The following KLHL24 variants were observed in gnomAD, a reference collection of about 807,000 sequenced individuals.
KLHL24 encodes the protein kelch like family member 24.
In KLHL24, 29 loss-of-function variants were observed where a neutral mutation model predicts 53.4. The observed-to-expected ratio is 0.54, with a 90% confidence interval of 0.40 to 0.74. The LOEUF (loss-of-function observed/expected upper bound fraction) is 0.74. Among genes scored for constraint, KLHL24 ranks in the 30% least tolerant of loss-of-function variants. KLHL24 has a pLI of 0.00. For missense variants in KLHL24, 504 were observed against 744.0 expected, an observed-to-expected ratio of 0.68 and a Z score of 3.75; for synonymous variants, 222 against 253.7, an observed-to-expected ratio of 0.88 and a Z score of 1.19.
At chr3:183,661,933 G>T (rs1719859309) in intron 3 of KLHL24, among the ~76,000 whole-genome samples, 1 of 152,076 alleles carries the variant, frequency 6.6e-6, no homozygotes, top group African/African-American at 2.4e-5. Context: ...ATTTGTCTTA[G>T]ATTTTAAGTG....
chr3:183,650,754 C>A lies in KLHL24; in HGVS notation c.398C>A (p.Thr133Lys), dbSNP rs1718006815. Residue 133 changes from threonine to lysine, a missense_variant, in exon 3 of 8, where the codon ACA becomes AAA. By Grantham distance (78) the Thr-to-Lys change is moderately conservative (BLOSUM62 -1). Coordinates refer to ENST00000242810, the MANE Select transcript of KLHL24 (RefSeq NM_017644.3). The surrounding 1 kb of genome is among the most constrained non-coding windows in gnomAD (Gnocchi z 4.5). ...TATACTGGAAAGGTGAAGATCACTA[C>A]AGAGAATGTACAGTATCTCTTTGAG... Reference protein sequence around the residue: ...YVYTGKVKITTENVQYLFETS... With the variant: ...YVYTGKVKITKENVQYLFETS... 1 of 1,613,708 alleles carries A rather than the reference C, an allele frequency of 6.2e-7. No individual in the cohort carries two copies. The highest frequency in any genetic ancestry group is 8.5e-7 in the Non-Finnish European group (1 of 1,179,840).
intron 7 of KLHL24, among the ~76,000 whole-genome samples, chr3:183,677,903 T>C (rs1258028641): frequency 6.6e-6 from 1 of 152,158 alleles, no homozygotes; most frequent in Non-Finnish European, 1.5e-5. Flanking sequence ...GCAATTCTCC[T>C]GCCTCAGCCT....
Position 183,683,533 on chromosome 3 carries a change from A to G in KLHL24, c.*4247A>G, listed in dbSNP as rs1214110390. On this transcript the variant is annotated 3_prime_UTR_variant, in exon 8 of 8. Transcript: ENST00000242810. ...CTAGCTATCATTATTGTCACATCTA[A>G]TGCTAGGCACCAGAAACCATTTGAG... The G allele has an allele frequency of 1.3e-5, 2 of 152,624 alleles. No individual in the cohort carries two copies. Among genetic ancestry groups the G allele is most frequent in the Admixed American group, 1.3e-4 (2 of 15,280 alleles). The allele number at this position is 152,624 out of a possible 1,614,324, so 9.5% of individuals were successfully genotyped here. A position where few individuals can be genotyped will look rare whatever the true frequency, so the allele number is the denominator to read the frequency against.
chr3:183,645,644 G>T (rs1560151836), intron 2 of KLHL24, among the ~76,000 whole-genome samples: 3 of 151,932 alleles, frequency 2.0e-5, no homozygotes, highest in South Asian at 4.1e-4. Context: ...TTTAAACTCA[G>T]ATATATTTTT....
At chr3:183,662,142 G>A (rs544075162) in intron 3 of KLHL24, among the ~76,000 whole-genome samples, 3 of 152,036 alleles carry the variant, frequency 2.0e-5, no homozygotes, top group Non-Finnish European at 4.4e-5. Context: ...TAATTTCCTG[G>A]ATTCCTAAAA....
chr3:183,674,184 ATACTC>A (rs1560185522), intron 7 of KLHL24, among the ~76,000 whole-genome samples: 1 of 152,142 alleles, frequency 6.6e-6, no homozygotes, highest in Non-Finnish European at 1.5e-5. Context: ...ACAAACAAAA[ATACTC>A]TAATTAGTCT....
chr3:183,684,177 A>AC lies in KLHL24; in HGVS notation c.*4891_*4892insC, dbSNP rs1325517579. ...AAAAGCACTTACTCTCCCCTTCCCT[A>AC]TCACCCCTCCCCCAAGGTTTCTTTA... On this transcript the variant is annotated 3_prime_UTR_variant, in exon 8 of 8. Transcript: ENST00000242810. 6.6e-6 allele frequency: 1 copy of AC among 151,964 alleles called. No individual in the cohort carries two copies. The highest frequency in any genetic ancestry group is 2.4e-5 in the African/African-American group (1 of 41,342). The allele number at this position is 151,964 out of a possible 1,614,324, so 9.4% of individuals were successfully genotyped here. A position where few individuals can be genotyped will look rare whatever the true frequency, so the allele number is the denominator to read the frequency against.
At position 183,643,504 on chromosome 3, in the gene KLHL24, T is replaced by C. The variant is rs1716779997; in HGVS notation, c.-100T>C. 1 of 152,190 alleles carries C rather than the reference T, an allele frequency of 6.6e-6. No individual in the cohort carries two copies. Among genetic ancestry groups the C allele is most frequent in the Non-Finnish European group, 1.5e-5 (1 of 68,038 alleles). The allele number at this position is 152,190 out of a possible 1,614,324, so 9.4% of individuals were successfully genotyped here. A position where few individuals can be genotyped will look rare whatever the true frequency, so the allele number is the denominator to read the frequency against. ...GGTGTGGAAATTAAAAGAACACACA[T>C]ATTTTGACTGGGGCTTTGATCAACC... is the stretch of plus-strand genomic sequence containing the variant. On this transcript the variant is annotated 5_prime_UTR_variant, in exon 2 of 8. Coordinates refer to ENST00000242810, the MANE Select transcript of KLHL24 (RefSeq NM_017644.3).
chr3:183,648,044 A>G (rs916000876), intron 2 of KLHL24, among the ~76,000 whole-genome samples: 2 of 152,132 alleles, frequency 1.3e-5, no homozygotes, highest in Admixed American at 1.3e-4. Flanking sequence ...CTCCAATAGC[A>G]ATATCTTACA....
chr3:183,678,978 TG>T (rs764922068), intron 7 of KLHL24, 107 bp from the exon 8 acceptor site: 131 of 830,624 alleles, frequency 1.6e-4, no homozygotes, highest in Admixed American at 4.4e-4. Flanking sequence ...GCTTTTATCA[TG>T]TCTCCCTTTT....
chr3:183,649,991 A>G (rs1378288172), intron 2 of KLHL24, among the ~76,000 whole-genome samples: 2 of 152,216 alleles, frequency 1.3e-5, no homozygotes, highest in East Asian at 3.8e-4. Context: ...TCTACAGTCA[A>G]TAGTATGAAA....
chr3:183,673,196 A>T lies in KLHL24; in HGVS notation c.1602+712A>T, dbSNP rs149776931. On this transcript the variant is annotated intron_variant, in intron 7 of 7. Coordinates refer to ENST00000242810, the MANE Select transcript of KLHL24 (RefSeq NM_017644.3). ...ACTCCAGCCTGGGCAACAGAGTGAG[A>T]CTCCGTCTCAAAAAAGTAAATAAAT... 6.6e-5 allele frequency among the ~76,000 whole-genome samples: 10 copies of T among 152,138 alleles called. No homozygotes were observed. In the East Asian group the frequency reaches 1.9e-3, roughly 29 times the overall value.
chr3:183,648,738 A>G (rs1717685767), intron 2 of KLHL24, among the ~76,000 whole-genome samples: 2 of 152,178 alleles, frequency 1.3e-5, no homozygotes, highest in Admixed American at 6.5e-5. Flanking sequence ...ACCATGCCTC[A>G]TACCTATAAT....
chr3:183,674,003 A>G (rs768366959), intron 7 of KLHL24, among the ~76,000 whole-genome samples: 2 of 152,114 alleles, frequency 1.3e-5, no homozygotes, highest in Non-Finnish European at 2.9e-5. Flanking sequence ...AATAGAACTC[A>G]CCTTCTTCCC....
chr3:183,665,665 G>T (rs1479492403), intron 5 of KLHL24, among the ~76,000 whole-genome samples: 7 of 152,022 alleles, frequency 4.6e-5, no homozygotes, highest in Non-Finnish European at 7.4e-5. Context: ...CAGGAGAATC[G>T]CTTGAACCCG....
intron 5 of KLHL24, among the ~76,000 whole-genome samples, chr3:183,666,537 C>T (rs918742003): frequency 1.1e-4 from 16 of 152,296 alleles, no homozygotes; most frequent in Admixed American, 9.2e-4. Context: ...GCTGGGATTA[C>T]AGGCATGAGC....
chr3:183,670,292 CG>C, intron 5 of KLHL24, among the ~76,000 whole-genome samples: 1 of 151,996 alleles, frequency 6.6e-6, no homozygotes, highest in Non-Finnish European at 1.5e-5. Flanking sequence ...GAGAGAGAAA[CG>C]TGGATGTTAA....
chr3:183,665,616 G>C (rs1210157771), intron 5 of KLHL24, among the ~76,000 whole-genome samples: 3 of 152,040 alleles, frequency 2.0e-5, no homozygotes, highest in Admixed American at 6.6e-5. Context: ...TGGGGTTGGT[G>C]GCGGGTGCCT....
Position 183,650,465 on chromosome 3 carries a change from C to T in KLHL24, c.109C>T (p.His37Tyr), listed in dbSNP as rs1560157898. ...FEMDPKSLTG[H>Y]EFFDFSSGSS... Reference sequence around the variant, plus strand: ...AATGGACCCCAAATCTCTGACAGGTCATGAGTTTTTTGACTTCTCTTCAGG... The same window carrying T: ...AATGGACCCCAAATCTCTGACAGGTTATGAGTTTTTTGACTTCTCTTCAGG... Residue 37 changes from histidine (H) to tyrosine (Y), a missense_variant, in exon 3 of 8, where the codon CAT becomes TAT. Physicochemically the swap from His to Tyr is moderately conservative, Grantham distance 83. Coordinates refer to ENST00000242810, the MANE Select transcript of KLHL24 (RefSeq NM_017644.3). This position sits in a 1 kb window ranked among gnomAD's most constrained non-coding sequence, Gnocchi z 4.5. 3 of 1,614,034 alleles carry T rather than the reference C, an allele frequency of 1.9e-6. No homozygotes were observed. The highest frequency in any genetic ancestry group is 2.2e-5 in the East Asian group (1 of 44,880).
Sources: allele counts gnomAD v4.1 joint callset (sites outside exome capture counted in the v4.1 genomes callset), GRCh38; gene constraint gnomAD v4.1.1; non-coding constraint Gnocchi (gnomAD v3.1); transcripts MANE v1.5; gene names NCBI Gene and HGNC (gene_info 2026-07-23, HGNC 2026-07-21).